Variants in PSD3 observed in about 807,000 individuals in gnomAD.
PSD3 encodes the protein pleckstrin and Sec7 domain containing 3.
Under a neutral mutation model 105.5 loss-of-function variants are expected in PSD3, and 49 were observed. That is an observed-to-expected ratio of 0.46 (90% CI 0.37 to 0.59). The LOEUF is 0.59. PSD3 is among the 20% of genes least tolerant of loss of function. PSD3 has a pLI of 0.00. For missense variants in PSD3, 1,561 were observed against 1,263.8 expected (o/e 1.24, Z -3.57); for synonymous variants, 557 against 457.8 (o/e 1.22, Z -2.77).
At chr8:18,697,094 A>G (rs973127874) in intron 9 of PSD3, among the ~76,000 whole-genome samples, 2 of 152,154 alleles carry the variant, frequency 1.3e-5, no homozygotes, top group Non-Finnish European at 2.9e-5. Flanking sequence ...TCAAATTTAA[A>G]AGAAGTTATT....
intron 1 of PSD3, among the ~76,000 whole-genome samples, chr8:18,981,451 T>C (rs984349343): frequency 2.0e-5 from 3 of 152,202 alleles, no homozygotes; most frequent in African/African-American, 4.8e-5. Flanking sequence ...TCAACATCCC[T>C]GTGTCTTTGG....
At chr8:19,036,030 C>A (rs142243235) in intron 1 of PSD3, among the ~76,000 whole-genome samples, 14,936 of 152,152 alleles carry the variant, frequency 0.098, 906 homozygotes, top group Non-Finnish European at 0.15. Context: ...GCTGGGATTA[C>A]AAGCATGAGT....
chr8:18,843,933 T>C (rs1215528995), intron 4 of PSD3, among the ~76,000 whole-genome samples: 2 of 135,352 alleles, frequency 1.5e-5, no homozygotes, highest in East Asian at 2.0e-4. Context: ...TTTTTTTTTT[T>C]TACCCAAGGC....
intron 11 of PSD3, among the ~76,000 whole-genome samples, chr8:18,630,235 C>T (rs572562369): frequency 5.3e-5 from 8 of 151,654 alleles, no homozygotes; most frequent in Non-Finnish European, 1.2e-4. Context: ...CTTGACCAAT[C>T]AGAAATTCTC....
At chr8:18,539,185 C>T (rs141615201) in intron 15 of PSD3, among the ~76,000 whole-genome samples, 1 of 152,318 alleles carries the variant, frequency 6.6e-6, no homozygotes, top group Non-Finnish European at 1.5e-5. Context: ...AGCCAAGTAT[C>T]TCTAGGATTA....
At chr8:18,719,264 A>T (rs1802796892) in intron 9 of PSD3, among the ~76,000 whole-genome samples, 1 of 152,210 alleles carries the variant, frequency 6.6e-6, no homozygotes, top group East Asian at 1.9e-4. Flanking sequence ...GAGTTCCTCT[A>T]AACAAGACTG....
At chr8:18,816,677 C>T (rs1220225945) in intron 4 of PSD3, among the ~76,000 whole-genome samples, 1 of 152,172 alleles carries the variant, frequency 6.6e-6, no homozygotes, top group Non-Finnish European at 1.5e-5. Flanking sequence ...TGGACTTTTA[C>T]CTTCTAATAA....
At chr8:18,588,200 T>G (rs1803337648) in intron 12 of PSD3, among the ~76,000 whole-genome samples, 2 of 152,318 alleles carry the variant, frequency 1.3e-5, no homozygotes, top group African/African-American at 2.4e-5. Flanking sequence ...CCATAAGGTC[T>G]TCCTTCTTGT....
chr8:18,719,576 A>T (rs1802820361), intron 9 of PSD3, among the ~76,000 whole-genome samples: 1 of 152,146 alleles, frequency 6.6e-6, no homozygotes, highest in Non-Finnish European at 1.5e-5. Context: ...ATTTACTCCA[A>T]ATACTCATTT....
At chr8:19,048,515 T>TCA (rs1828403456) in intron 1 of PSD3, among the ~76,000 whole-genome samples, 1 of 151,610 alleles carries the variant, frequency 6.6e-6, no homozygotes, top group Non-Finnish European at 1.5e-5. Context: ...CAAAGCAGTT[T>TCA]AACTGCCAAA....
In PSD3 at chr8:18,813,660, A is replaced by G. The variant is rs76151805; in HGVS notation, c.1635-8762T>C. 8.8e-3 allele frequency among the ~76,000 whole-genome samples: 1,336 copies of G among 152,348 alleles called. 16 individuals are homozygous for G. The highest frequency in any genetic ancestry group is 0.031 in the African/African-American group (1,295 of 41,594). ...AATTTAGAAGATGCCAAAAGCAATT[A>G]TCTGCTGGAGAACTCCAGTTAGACC... On this transcript the variant is annotated intron_variant, in intron 4 of 15. Transcript: ENST00000327040.
intron 4 of PSD3, among the ~76,000 whole-genome samples, chr8:18,841,539 G>C (rs1425862540): frequency 6.6e-6 from 1 of 152,092 alleles, no homozygotes. Flanking sequence ...AGCAGACGGG[G>C]CTCTCTAGGT....
In PSD3 at chr8:18,691,805, C is replaced by G. The variant is rs554068388; in HGVS notation, c.2173-36120G>C. On this transcript the variant is annotated intron_variant, in intron 9 of 15. Transcript: ENST00000327040. The stretch of plus-strand genomic sequence containing the variant: ...AATAAAATGATCAGAGATCCCTGCC[C>G]TTGTGCTTCACATCAAAGACAAATT... Among the ~76,000 whole-genome samples, 25 of 152,278 alleles carry G rather than the reference C, an allele frequency of 1.6e-4. 1 individual carries two copies. The South Asian group carries it at 5.2e-3, about 32-fold the overall frequency.
intron 9 of PSD3, among the ~76,000 whole-genome samples, chr8:18,676,518 T>G (rs1223043675): frequency 6.6e-6 from 1 of 152,240 alleles, no homozygotes; most frequent in African/African-American, 2.4e-5. Context: ...ATGTTTCACT[T>G]AGTCCAGAAA....
chr8:18,866,654 G>A (rs887080746), intron 4 of PSD3, among the ~76,000 whole-genome samples: 1 of 152,006 alleles, frequency 6.6e-6, no homozygotes, highest in Non-Finnish European at 1.5e-5. Flanking sequence ...ATGTCACAAG[G>A]AGCCAATCCT....
chr8:18,653,695 C>T (rs1021779332), intron 10 of PSD3, among the ~76,000 whole-genome samples: 10 of 151,796 alleles, frequency 6.6e-5, no homozygotes, highest in East Asian at 5.8e-4. Context: ...TTGGGTAACA[C>T]GCAAGATATA....
Position 18,535,453 on chromosome 8 carries a change from C to G in PSD3, c.*290G>C, listed in dbSNP as rs920949598. Reference sequence around the variant, plus strand: ...ATAAAACAACTGAGCAGACTGCAAACAAGAGAAAACCAAAAGAGAAGGGAT... The same window carrying G: ...ATAAAACAACTGAGCAGACTGCAAAGAAGAGAAAACCAAAAGAGAAGGGAT... On this transcript the variant is annotated 3_prime_UTR_variant, in exon 16 of 16. Transcript: ENST00000327040. 4 of 391,074 alleles carry G rather than the reference C, an allele frequency of 1.0e-5. No individual in the cohort carries two copies. The highest frequency in any genetic ancestry group is 1.9e-5 in the Non-Finnish European group (4 of 214,802). The allele number at this position is 391,074 out of a possible 1,614,324, so 24.2% of individuals were successfully genotyped here.
At chr8:19,046,767 C>T (rs1828333165) in intron 1 of PSD3, among the ~76,000 whole-genome samples, 1 of 152,092 alleles carries the variant, frequency 6.6e-6, no homozygotes, top group African/African-American at 2.4e-5. Context: ...AAAGAAATTT[C>T]AAAGAAATAC....
At chr8:18,668,733 G>A (rs1279790196) in intron 9 of PSD3, among the ~76,000 whole-genome samples, 1 of 151,970 alleles carries the variant, frequency 6.6e-6, no homozygotes, top group Non-Finnish European at 1.5e-5. Flanking sequence ...ATACTTTAAA[G>A]TCAGTATTAT....
Sources: allele counts gnomAD v4.1 joint callset (sites outside exome capture counted in the v4.1 genomes callset), GRCh38; gene constraint gnomAD v4.1.1; transcripts MANE v1.5; gene names NCBI Gene and HGNC (gene_info 2026-07-23, HGNC 2026-07-21).